The following NBAS variants were observed in gnomAD, a reference collection of about 807,000 sequenced individuals.
NBAS encodes NBAS subunit of NRZ tethering complex.
In NBAS, 219 loss-of-function variants were observed where a neutral mutation model predicts 302.5. The ratio of observed to expected loss-of-function variants is 0.72; its 90% CI spans 0.65 to 0.81. The LOEUF (loss-of-function observed/expected upper bound fraction) is 0.81, where lower values mean the gene tolerates loss of function less well. Ranked by LOEUF, NBAS falls within the 30% of genes least tolerant of loss-of-function variation. The pLI is 0.00. For synonymous variants in NBAS, 1,118 were observed against 1,021.6 expected, an observed-to-expected ratio of 1.09 and a Z score of -1.80; for missense variants, 2,932 against 2,841.6, an observed-to-expected ratio of 1.03 and a Z score of -0.72.
At chr2:15,334,433 C>G (rs983752660) in intron 35 of NBAS, among the ~76,000 whole-genome samples, 2 of 152,106 alleles carry the variant, frequency 1.3e-5, no homozygotes, top group African/African-American at 4.8e-5. Context: ...CATGATCCGC[C>G]CGCCTCGGCC....
At chr2:14,962,954 A>G in the NBAS span, among the ~76,000 whole-genome samples, 2 of 152,068 alleles carry the variant, frequency 1.3e-5, no homozygotes, top group Admixed American at 1.3e-4. Flanking sequence ...AAAAAAAAAA[A>G]CAAAAAACTG....
chr2:15,150,375 A>T, the NBAS span, among the ~76,000 whole-genome samples: 1 of 152,202 alleles, frequency 6.6e-6, no homozygotes, highest in Non-Finnish European at 1.5e-5. Context: ...TTTTCATGCT[A>T]AGTCACCCAG....
At chr2:14,936,634 G>T in the NBAS span, among the ~76,000 whole-genome samples, 3 of 152,192 alleles carry the variant, frequency 2.0e-5, no homozygotes, top group Admixed American at 6.5e-5. Flanking sequence ...TGATAAGGGT[G>T]GTGTCTCCAT....
At chr2:14,984,454 G>A in the NBAS span, among the ~76,000 whole-genome samples, 3 of 152,168 alleles carry the variant, frequency 2.0e-5, no homozygotes, top group African/African-American at 4.8e-5. Context: ...TGTTTTCAGC[G>A]TAAAACAAAT....
the NBAS span, among the ~76,000 whole-genome samples, chr2:14,994,444 A>G: frequency 6.6e-6 from 1 of 152,320 alleles, no homozygotes; most frequent in East Asian, 1.9e-4. Flanking sequence ...GAAGCAGCTC[A>G]AAGATCAGAG....
At chr2:14,874,241 T>C in the NBAS span, among the ~76,000 whole-genome samples, 1 of 152,134 alleles carries the variant, frequency 6.6e-6, no homozygotes, top group Non-Finnish European at 1.5e-5. Flanking sequence ...TAAATAATAG[T>C]AATTCTACAT....
chr2:15,011,037 G>A, the NBAS span, among the ~76,000 whole-genome samples: 1 of 152,146 alleles, frequency 6.6e-6, no homozygotes, highest in Non-Finnish European at 1.5e-5. Context: ...TGTTGCTATT[G>A]TTTTAAGAGT....
the NBAS span, among the ~76,000 whole-genome samples, chr2:15,147,599 A>G: frequency 6.6e-6 from 1 of 152,074 alleles, no homozygotes; most frequent in African/African-American, 2.4e-5. Context: ...TCTCAAAAAA[A>G]TAATAATAAA....
At chr2:15,138,083 C>A in the NBAS span, among the ~76,000 whole-genome samples, 2 of 152,182 alleles carry the variant, frequency 1.3e-5, no homozygotes, top group African/African-American at 2.4e-5. Context: ...CCTGTGGCAG[C>A]TCCTGCATAG....
chr2:14,889,796 C>T, the NBAS span, among the ~76,000 whole-genome samples: 1 of 152,104 alleles, frequency 6.6e-6, no homozygotes, highest in African/African-American at 2.4e-5. Context: ...GAAAATTAAC[C>T]AACGGGACAG....
At chr2:15,101,773 A>T in the NBAS span, among the ~76,000 whole-genome samples, 1 of 152,212 alleles carries the variant, frequency 6.6e-6, no homozygotes, top group Non-Finnish European at 1.5e-5. Flanking sequence ...GACAACAGGG[A>T]GAATTCTTTT....
At chr2:15,553,522 T>TA in intron 4 of NBAS, 49 bp from the exon 5 acceptor site, 1 of 1,496,854 alleles carries the variant, frequency 6.7e-7, no homozygotes, top group Non-Finnish European at 9.3e-7. Context: ...TGAATATCTA[T>TA]AGCAGTTTTC....
chr2:15,416,275 C>T (rs2148460872), intron 24 of NBAS, among the ~76,000 whole-genome samples: 1 of 152,232 alleles, frequency 6.6e-6, no homozygotes, highest in South Asian at 2.1e-4. Context: ...CCTTCTTTTT[C>T]CTCTTCCTCT....
At chr2:15,393,760 C>T (rs9710962) in intron 28 of NBAS, 2 of 467,934 alleles carry the variant, frequency 4.3e-6, no homozygotes, top group South Asian at 1.6e-5. Context: ...AATACCATTC[C>T]GCAAACAAAA....
intron 21 of NBAS, among the ~76,000 whole-genome samples, chr2:15,459,584 A>G (rs1679413415): frequency 6.9e-6 from 1 of 145,054 alleles, no homozygotes; most frequent in Admixed American, 7.3e-5. Flanking sequence ...GGTTCACGCC[A>G]TTCTCCTGCC....
downstream of NBAS, among the ~76,000 whole-genome samples, chr2:15,165,843 T>C (rs907983170): frequency 6.6e-5 from 10 of 152,220 alleles, no homozygotes; most frequent in Admixed American, 6.5e-4. Context: ...CCTATAACAA[T>C]GATGTAATAT....
chr2:15,522,692 T>C (rs1572965045), intron 9 of NBAS, among the ~76,000 whole-genome samples: 1 of 152,300 alleles, frequency 6.6e-6, no homozygotes, highest in South Asian at 2.1e-4. Context: ...TAACCAAGTT[T>C]AACGTAGGAG....
chr2:15,021,691 A>G, the NBAS span, among the ~76,000 whole-genome samples: 1 of 152,108 alleles, frequency 6.6e-6, no homozygotes, highest in African/African-American at 2.4e-5. Context: ...AGGCCTAGAG[A>G]GCCACATAGT....
Position 15,474,111 on chromosome 2 carries a change from C to A in NBAS, c.1555G>T (p.Val519Leu). The A allele has an allele frequency of 6.2e-7, 1 of 1,614,192 alleles. No homozygotes were observed. Among genetic ancestry groups the A allele is most frequent in the Non-Finnish European group, 8.5e-7 (1 of 1,180,038 alleles). The change falls in exon 15 of 52, where the codon GTG becomes TTG. Residue 519 changes from valine to leucine, a missense_variant. Coordinates refer to ENST00000281513, the MANE Select transcript of NBAS (RefSeq NM_015909.4). ...PRTITKNYRL[V>L]SLRSTTPEEL... ...TCTGGTGTCGTGGAGCGCAAACTCA[C>A]AAGGCGGTAGTTTTTAGTAATGGTT...
Sources: gnomAD v4.1 joint callset for allele counts (sites outside exome capture counted in the v4.1 genomes callset) on GRCh38, gnomAD v4.1.1 for gene constraint, MANE v1.5 for transcripts, NCBI Gene and HGNC (gene_info 2026-07-23, HGNC 2026-07-21) for gene names.